Variants in SMOC1 observed in about 807,000 individuals in gnomAD.
SMOC1 encodes the protein SPARC-related modular calcium-binding protein 1.
Under a neutral mutation model 56.3 loss-of-function variants are expected in SMOC1, and 22 were observed. The observed-to-expected ratio is 0.39, with a 90% CI of 0.28 to 0.56. The LOEUF (loss-of-function observed/expected upper bound fraction) is 0.56, where lower values mean the gene tolerates loss of function less well. Ranked by LOEUF, SMOC1 falls within the 20% of genes least tolerant of loss-of-function variation. The pLI is 0.61. For synonymous variants in SMOC1, 193 were observed against 215.0 expected (o/e 0.90, Z 0.89); for missense variants, 509 against 565.4 (o/e 0.90, Z 1.01).
chr14:69,916,731 T>G (rs573031850), intron 1 of SMOC1, among the ~76,000 whole-genome samples: 72 of 152,318 alleles, frequency 4.7e-4, no homozygotes, highest in African/African-American at 1.7e-3. Flanking sequence ...TCTCAGAGAC[T>G]CTTTCCTGGC....
chr14:69,966,403 A>G (rs552390179), intron 3 of SMOC1, among the ~76,000 whole-genome samples: 49 of 152,324 alleles, frequency 3.2e-4, no homozygotes, highest in Non-Finnish European at 6.5e-4. Flanking sequence ...AATACAAAAA[A>G]TATTCTTCAC....
chr14:69,950,697 A>G (rs888049905), intron 1 of SMOC1, among the ~76,000 whole-genome samples: 3 of 152,228 alleles, frequency 2.0e-5, no homozygotes, highest in Admixed American at 6.5e-5. Flanking sequence ...GTACAATCTA[A>G]TCATGGGTTA....
intron 1 of SMOC1, among the ~76,000 whole-genome samples, chr14:69,893,975 C>T (rs1958081): frequency 0.036 from 5,417 of 152,256 alleles, 257 homozygotes; most frequent in African/African-American, 0.11. Flanking sequence ...AAGAGGGTAG[C>T]CATCTTCAAG....
chr14:69,903,724 C>T (rs1884329401), intron 1 of SMOC1, among the ~76,000 whole-genome samples: 2 of 152,080 alleles, frequency 1.3e-5, no homozygotes. Context: ...TAATAGTCAT[C>T]ACCACTCCCT....
At chr14:70,012,056 C>T (rs1050906815) in intron 9 of SMOC1, among the ~76,000 whole-genome samples, 4 of 152,168 alleles carry the variant, frequency 2.6e-5, no homozygotes, top group Non-Finnish European at 4.4e-5. Flanking sequence ...GTGCGGGTTT[C>T]CCCTTATTTA....
intron 1 of SMOC1, among the ~76,000 whole-genome samples, chr14:69,897,967 G>A (rs557687909): frequency 1.3e-5 from 2 of 151,942 alleles, no homozygotes; most frequent in South Asian, 4.1e-4. Flanking sequence ...TACAAGGCAG[G>A]TCTACTGGCA....
chr14:70,025,110 G>C (rs1032566495), intron 11 of SMOC1, among the ~76,000 whole-genome samples: 4 of 152,178 alleles, frequency 2.6e-5, no homozygotes, highest in Admixed American at 6.5e-5. Flanking sequence ...GAGGGATGTA[G>C]AGGGTGCCCA....
At chr14:69,890,679 G>A (rs547333493) in intron 1 of SMOC1, among the ~76,000 whole-genome samples, 29 of 152,318 alleles carry the variant, frequency 1.9e-4, no homozygotes. Flanking sequence ...GTAACTATTA[G>A]TGCCAGGACT....
intron 1 of SMOC1, among the ~76,000 whole-genome samples, chr14:69,914,504 C>T (rs553573096): frequency 2.6e-4 from 40 of 152,242 alleles, no homozygotes; most frequent in African/African-American, 9.1e-4. Flanking sequence ...TTACTTGCCT[C>T]GTCTATTTAG....
intron 5 of SMOC1, among the ~76,000 whole-genome samples, chr14:69,980,414 A>G (rs1002296815): frequency 3.3e-5 from 5 of 152,118 alleles, no homozygotes; most frequent in African/African-American, 1.2e-4. Flanking sequence ...TCTCCCCTGG[A>G]GTCTTAAATC....
chr14:69,988,056 C>T (rs1317224509), intron 5 of SMOC1, among the ~76,000 whole-genome samples: 1 of 152,202 alleles, frequency 6.6e-6, no homozygotes, highest in African/African-American at 2.4e-5. Flanking sequence ...TTATTCAATT[C>T]TCTTTTTATC....
intron 7 of SMOC1, among the ~76,000 whole-genome samples, chr14:70,005,755 T>G (rs1885129105): frequency 6.6e-6 from 1 of 152,156 alleles, no homozygotes; most frequent in Non-Finnish European, 1.5e-5. Flanking sequence ...GGGACAGGAT[T>G]ATAGGGGCGG....
intron 1 of SMOC1, among the ~76,000 whole-genome samples, chr14:69,940,689 C>A (rs991380285): frequency 6.6e-6 from 1 of 152,190 alleles, no homozygotes; most frequent in African/African-American, 2.4e-5. Flanking sequence ...TTGGATGCAC[C>A]CCAAGTGTAA....
At chr14:70,011,664 C>T (rs1488980370) in intron 9 of SMOC1, 97 bp downstream of exon 9, 10 of 1,206,562 alleles carry the variant, frequency 8.3e-6, no homozygotes, top group Non-Finnish European at 1.2e-5. Flanking sequence ...GTCTGTTTCC[C>T]CATGTGTAAG....
At chr14:69,939,718 C>A (rs1338183821) in intron 1 of SMOC1, among the ~76,000 whole-genome samples, 1 of 152,222 alleles carries the variant, frequency 6.6e-6, no homozygotes, top group African/African-American at 2.4e-5. Flanking sequence ...GTGCCACATT[C>A]ACATTTACTC....
At chr14:69,960,689 T>A (rs550903685) in intron 3 of SMOC1, among the ~76,000 whole-genome samples, 1 of 152,222 alleles carries the variant, frequency 6.6e-6, no homozygotes, top group South Asian at 2.1e-4. Flanking sequence ...TTTCAGTGAA[T>A]TGCTTTTGTT....
chr14:69,912,843 A>C (rs2139350476), intron 1 of SMOC1, among the ~76,000 whole-genome samples: 1 of 152,064 alleles, frequency 6.6e-6, no homozygotes, highest in Middle Eastern at 3.4e-3. Context: ...TTTGTCTTTA[A>C]CCTTCAGTTT....
intron 5 of SMOC1, among the ~76,000 whole-genome samples, chr14:69,985,521 A>G (rs80177396): frequency 0.095 from 14,507 of 152,292 alleles, 926 homozygotes; most frequent in Non-Finnish European, 0.13. Context: ...AGTGGATGAA[A>G]CAAACTGTGG....
intron 1 of SMOC1, among the ~76,000 whole-genome samples, chr14:69,920,552 C>T (rs1424477332): frequency 1.3e-5 from 2 of 152,224 alleles, no homozygotes; most frequent in African/African-American, 2.4e-5. Flanking sequence ...CCAATGCAAA[C>T]ATTCCTTCAG....
Sources: gnomAD v4.1 joint callset for allele counts (sites outside exome capture counted in the v4.1 genomes callset) on GRCh38, gnomAD v4.1.1 for gene constraint, MANE v1.5 for transcripts, NCBI Gene and HGNC (gene_info 2026-07-23, HGNC 2026-07-21) for gene names.